The following RAPGEF1 variants were observed in gnomAD, a reference collection of about 807,000 sequenced individuals.
RAPGEF1 encodes CRK SH3-binding GNRP.
Under a neutral mutation model 143.3 loss-of-function variants are expected in RAPGEF1, and 33 were observed. That is an observed-to-expected ratio of 0.23 (90% CI 0.17 to 0.31). The LOEUF is 0.31. Ranked by LOEUF, RAPGEF1 falls within the 10% of genes least tolerant of loss-of-function variation. RAPGEF1 has a pLI of 1.00. For synonymous variants in RAPGEF1, 629 were observed against 676.5 expected (o/e 0.93, Z 1.09); for missense variants, 1,199 against 1,645.4 (o/e 0.73, Z 4.69).
intron 22 of RAPGEF1, among the ~76,000 whole-genome samples, chr9:131,586,795 A>T (rs1264626171): frequency 4.9e-5 from 1 of 20,440 alleles, no homozygotes; most frequent in Non-Finnish European, 8.6e-5. Context: ...GACTCCGTCA[A>T]ACACACACAC....
rs182329592 is a variant in RAPGEF1 at position 131,619,688 on chromosome 9, C to G, written c.1906-482G>C. On this transcript the variant is annotated intron_variant, in intron 11 of 26. Coordinates refer to ENST00000683357, the MANE Select transcript of RAPGEF1 (RefSeq NM_001377935.1). ...TTTCCATCTGTAAAATGGGGATAAC[C>G]CTAGTGTCTCCTGTACAGGGCTGTT... Among the ~76,000 whole-genome samples the G allele has an allele frequency of 2.0e-5, 3 of 152,286 alleles. No homozygotes were observed. The East Asian group carries it at 5.8e-4, about 29-fold the overall frequency.
intron 17 of RAPGEF1, among the ~76,000 whole-genome samples, chr9:131,593,800 C>T (rs1954776909): frequency 6.6e-6 from 1 of 152,194 alleles, no homozygotes; most frequent in African/African-American, 2.4e-5. Context: ...AGTTCACTGT[C>T]AAGCTTGGAT....
chr9:131,692,732 C>T (rs1047926335), intron 1 of RAPGEF1, among the ~76,000 whole-genome samples: 3 of 152,194 alleles, frequency 2.0e-5, no homozygotes, highest in Non-Finnish European at 4.4e-5. Context: ...GATAATGCTA[C>T]ATTGCCGGAA....
intron 1 of RAPGEF1, among the ~76,000 whole-genome samples, chr9:131,700,996 C>T (rs1375824654): frequency 6.6e-6 from 1 of 151,912 alleles, no homozygotes; most frequent in African/African-American, 2.4e-5. Context: ...GTTTACCAAC[C>T]CCTGGAGGCA....
intron 1 of RAPGEF1, among the ~76,000 whole-genome samples, chr9:131,723,506 C>T (rs1412659821): frequency 1.3e-5 from 2 of 152,246 alleles, no homozygotes; most frequent in African/African-American, 4.8e-5. Flanking sequence ...GTAGGCACCT[C>T]ACGGTCTAGT....
chr9:131,681,631 A>C (rs1832917016), intron 1 of RAPGEF1, among the ~76,000 whole-genome samples: 1 of 152,138 alleles, frequency 6.6e-6, no homozygotes, highest in Non-Finnish European at 1.5e-5. Context: ...GGGCAGATGA[A>C]GCTTCCATTC....
chr9:131,736,717 C>T (rs1254313375), intron 1 of RAPGEF1, among the ~76,000 whole-genome samples: 2 of 152,186 alleles, frequency 1.3e-5, no homozygotes, highest in African/African-American at 4.8e-5. Flanking sequence ...CCAAAAAACC[C>T]TGGATGCCTT....
chr9:131,712,592 G>A (rs563443347), intron 1 of RAPGEF1, among the ~76,000 whole-genome samples: 1 of 152,272 alleles, frequency 6.6e-6, no homozygotes, highest in Admixed American at 6.5e-5. Flanking sequence ...TCCTCCTGGC[G>A]CCTGTGCACA....
At chr9:131,632,239 C>A (rs1039021001) in intron 5 of RAPGEF1, among the ~76,000 whole-genome samples, 22 of 151,632 alleles carry the variant, frequency 1.5e-4, no homozygotes, top group Admixed American at 4.6e-4. Context: ...TGCCATTCTT[C>A]TGCCTCAGCC....
At chr9:131,619,338 C>A (rs1480742161) in intron 11 of RAPGEF1, 132 bp from the exon 12 acceptor site, 19 of 768,776 alleles carry the variant, frequency 2.5e-5, no homozygotes, top group Non-Finnish European at 3.5e-5. Flanking sequence ...AGAGGGATGG[C>A]TTCTGGGCCC....
At chr9:131,646,168 C>T (rs1256024217) in intron 3 of RAPGEF1, among the ~76,000 whole-genome samples, 1 of 152,160 alleles carries the variant, frequency 6.6e-6, no homozygotes, top group African/African-American at 2.4e-5. Context: ...AGGTTACAAC[C>T]ACCCTGTGAA....
chr9:131,713,195 G>A (rs1835631541), intron 1 of RAPGEF1, among the ~76,000 whole-genome samples: 1 of 152,150 alleles, frequency 6.6e-6, no homozygotes, highest in African/African-American at 2.4e-5. Context: ...CGCCGAGAAC[G>A]CTGTGGCTGT....
In RAPGEF1 at chr9:131,579,430, G is replaced by A; in HGVS notation, c.*67C>T. Reference sequence around the variant, plus strand: ...CTGCCATGCGCCTAACAGGTCCAAGGTCCTCTCCGGTCTGGGAGCTGCCCT... The same window carrying A: ...CTGCCATGCGCCTAACAGGTCCAAGATCCTCTCCGGTCTGGGAGCTGCCCT... On this transcript the variant is annotated 3_prime_UTR_variant, in exon 27 of 27. Transcript: ENST00000683357. The A allele has an allele frequency of 6.4e-7, 1 of 1,572,906 alleles. No individual in the cohort carries two copies. Among genetic ancestry groups the A allele is most frequent in the Non-Finnish European group, 8.6e-7 (1 of 1,156,490 alleles).
At chr9:131,661,348 A>C (rs1974038208) in intron 1 of RAPGEF1, among the ~76,000 whole-genome samples, 1 of 152,232 alleles carries the variant, frequency 6.6e-6, no homozygotes, top group South Asian at 2.1e-4. Context: ...ATTTTATACG[A>C]TTCCATTTAT....
At chr9:131,723,267 A>G (rs1187727357) in intron 1 of RAPGEF1, among the ~76,000 whole-genome samples, 1 of 152,228 alleles carries the variant, frequency 6.6e-6, no homozygotes, top group East Asian at 1.9e-4. Flanking sequence ...TAAACATTGA[A>G]AAAACTGTGG....
chr9:131,694,542 G>A (rs1419603512), intron 1 of RAPGEF1, among the ~76,000 whole-genome samples: 1 of 152,124 alleles, frequency 6.6e-6, no homozygotes, highest in African/African-American at 2.4e-5. Flanking sequence ...GCACGCTCTC[G>A]CTCACTCTGC....
intron 1 of RAPGEF1, among the ~76,000 whole-genome samples, chr9:131,723,071 G>GT (rs1836385591): frequency 6.6e-6 from 1 of 152,056 alleles, no homozygotes; most frequent in African/African-American, 2.4e-5. Flanking sequence ...GTACATGCCT[G>GT]TAGCCCCAGC....
At chr9:131,630,620 A>G (rs1399204981) in intron 5 of RAPGEF1, among the ~76,000 whole-genome samples, 1 of 152,236 alleles carries the variant, frequency 6.6e-6, no homozygotes, top group East Asian at 1.9e-4. Flanking sequence ...TTTATCACAC[A>G]AATTAAAATA....
At chr9:131,695,565 G>C (rs1834110359) in intron 1 of RAPGEF1, among the ~76,000 whole-genome samples, 1 of 152,218 alleles carries the variant, frequency 6.6e-6, no homozygotes, top group Admixed American at 6.5e-5. Flanking sequence ...GGAGCGAGTT[G>C]GATCAAGCTA....
Sources: gnomAD v4.1 joint callset for allele counts (sites outside exome capture counted in the v4.1 genomes callset) on GRCh38, gnomAD v4.1.1 for gene constraint, MANE v1.5 for transcripts, NCBI Gene and HGNC (gene_info 2026-07-23, HGNC 2026-07-21) for gene names.